CPAMD8: variants seen among roughly 807,000 people sequenced by gnomAD.
CPAMD8 encodes C3 and PZP-like alpha-2-macroglobulin domain-containing protein 8.
Under a neutral mutation model 224.7 loss-of-function variants are expected in CPAMD8, and 146 were observed. The observed-to-expected ratio is 0.65, with a 90% CI of 0.57 to 0.75. CPAMD8 has a LOEUF of 0.75. Ranked by LOEUF, CPAMD8 falls within the 30% of genes least tolerant of loss-of-function variation. The probability of loss-of-function intolerance (pLI) is 0.00; values close to 1 mark genes in which losing one functional copy is unlikely to be tolerated. For missense variants in CPAMD8, 2,301 were observed against 2,537.5 expected (o/e 0.91, Z 2.00); for synonymous variants, 966 against 1,044.6 (o/e 0.92, Z 1.45).
chr19:16,987,502 C>A (rs1015430350), intron 13 of CPAMD8, among the ~76,000 whole-genome samples: 29 of 151,758 alleles, frequency 1.9e-4, no homozygotes, highest in Admixed American at 7.9e-4. Context: ...TTTTTACCTG[C>A]GCCTGCCAGC....
intron 27 of CPAMD8, among the ~76,000 whole-genome samples, chr19:16,920,088 A>G (rs1267742565): frequency 6.6e-6 from 1 of 152,216 alleles, no homozygotes; most frequent in Non-Finnish European, 1.5e-5. Context: ...CTTGTCCTAC[A>G]GGGTCCCCAG....
chr19:16,906,362 C>CT (rs2052489079), intron 30 of CPAMD8, among the ~76,000 whole-genome samples: 3 of 48,414 alleles, frequency 6.2e-5, no homozygotes, highest in African/African-American at 2.2e-4. Context: ...TTCTTTCTTT[C>CT]TTTCTTTCTT....
intron 14 of CPAMD8, among the ~76,000 whole-genome samples, chr19:16,978,184 A>G (rs576758894): frequency 6.7e-4 from 102 of 152,274 alleles, no homozygotes; most frequent in African/African-American, 2.4e-3. Context: ...TGGTAGGGGA[A>G]AGCGGGGACA....
chr19:17,019,971 C>CT (rs569150151), intron 3 of CPAMD8, among the ~76,000 whole-genome samples: 2,829 of 97,852 alleles, frequency 0.029, 163 homozygotes, highest in African/African-American at 0.085. Context: ...TTTTTCTTTT[C>CT]TTTTTTTTTT....
chr19:16,902,701 C>T lies in CPAMD8; in HGVS notation c.4633G>A (p.Ala1545Thr). The T allele has an allele frequency of 6.2e-7, 1 of 1,607,446 alleles. No individual in the cohort carries two copies. The highest frequency in any genetic ancestry group is 2.2e-5 in the East Asian group (1 of 44,688). The change falls in exon 35 of 42, where the codon GCG (alanine) becomes ACG (threonine). Residue 1545 changes from alanine (A) to threonine (T), a missense_variant. This residue lies in a region of CPAMD8 where 1,709 missense variants were observed against 1,753.2 expected (regional missense o/e 0.97). Coordinates refer to ENST00000443236, the MANE Select transcript of CPAMD8 (RefSeq NM_015692.5). ...DWPPADDDDP[A>T]ADQHHQEYKV... ...TATTCCTGGTGATGCTGATCGGCCGCTGGGTCATCATCGTCAGCTGGGGGC... is the reference window on the plus strand; with the variant it reads ...TATTCCTGGTGATGCTGATCGGCCGTTGGGTCATCATCGTCAGCTGGGGGC...
At chr19:16,922,539 G>T (rs2053216364) in intron 26 of CPAMD8, among the ~76,000 whole-genome samples, 1 of 149,576 alleles carries the variant, frequency 6.7e-6, no homozygotes, top group South Asian at 2.1e-4. Flanking sequence ...CACCACATCT[G>T]GGGTTCTTGA....
intron 36 of CPAMD8, among the ~76,000 whole-genome samples, chr19:16,900,471 G>C (rs146556424): frequency 0.014 from 2,086 of 152,240 alleles, 20 homozygotes; most frequent in Middle Eastern, 0.031. Flanking sequence ...GGTGGTGCAT[G>C]CCTGTAATCC....
In CPAMD8 at chr19:17,022,123, C is replaced by G. The variant is rs199816113; in HGVS notation, c.151G>C (p.Val51Leu). Reference protein sequence around the residue: ...FRAGVEEVISVTIFNSPREVT... With the variant: ...FRAGVEEVISLTIFNSPREVT... ...TCCCTTGGAGAGTTAAAGATGGTCA[C>G]GCTGATGACTTCCTCCACGCCCGCG... Residue 51 changes from valine (V) to leucine (L), a missense_variant, in exon 2 of 42, where the codon GTG becomes CTG. By Grantham distance (32) the Val-to-Leu change is conservative (BLOSUM62 1). Around this residue, in one of 4 missense-constraint regions of CPAMD8, gnomAD observed 283 missense variants for 340.6 expected, o/e 0.83. Coordinates refer to ENST00000443236, the MANE Select transcript of CPAMD8 (RefSeq NM_015692.5). 1.2e-6 allele frequency: 2 copies of G among 1,607,544 alleles called. No homozygotes were observed. Among genetic ancestry groups the G allele is most frequent in the Non-Finnish European group, 1.7e-6 (2 of 1,176,858 alleles).
intron 27 of CPAMD8, among the ~76,000 whole-genome samples, chr19:16,917,406 T>C (rs1166574062): frequency 1.3e-5 from 2 of 152,160 alleles, no homozygotes; most frequent in African/African-American, 2.4e-5. Flanking sequence ...GTATGGGAAC[T>C]CTGTTCTATT....
Position 16,897,968 on chromosome 19 carries a change from C to A in CPAMD8, c.4875G>T (p.Val1625=). 2 of 1,611,080 alleles carry A rather than the reference C, an allele frequency of 1.2e-6. No individual in the cohort carries two copies. Among genetic ancestry groups the A allele is most frequent in the Non-Finnish European group, 1.7e-6 (2 of 1,179,354 alleles). ...CGCACTCCCGGAGAGCACGGAACCG[C>A]ACGCACGTCAGGCACCGGCTGGGGA... The part of the protein sequence containing the change: ...DEIPSRCLTC[V]RFRALRECVV... The change falls in exon 38 of 42, where the codon GTG becomes GTT. Residue 1625 remains valine (V), a synonymous_variant. Transcript: ENST00000443236.
At chr19:16,945,775 GCA>G in intron 21 of CPAMD8, 96 bp from the exon 22 acceptor site, 7 of 1,111,336 alleles carry the variant, frequency 6.3e-6, no homozygotes, top group Non-Finnish European at 9.5e-6. Flanking sequence ...GTGCATGCAT[GCA>G]TGTGTGTGTG....
In CPAMD8 at chr19:16,902,870, G is replaced by A. The variant is rs545679209; in HGVS notation, c.4471-7C>T. 31 of 1,514,062 alleles carry A rather than the reference G, an allele frequency of 2.0e-5. No homozygotes were observed. The South Asian group carries it at 4.0e-4, about 19-fold the overall frequency. 93.8% of individuals were successfully genotyped at this position (1,514,062 alleles called of 1,614,324 possible). ...CATTGTAGGTGACATCAATCTGGGG[G>A]GTGTTGGAGGATGGAGGCTTAGGGA... On this transcript the variant is annotated splice_polypyrimidine_tract_variant and splice_region_variant and intron_variant, in intron 34 of 41. Transcript: ENST00000443236.
At chr19:16,985,560 G>A (rs983061705) in intron 13 of CPAMD8, among the ~76,000 whole-genome samples, 1 of 150,492 alleles carries the variant, frequency 6.6e-6, no homozygotes, top group Non-Finnish European at 1.5e-5. Context: ...GTGGAGAAAG[G>A]AAGGAAGGGA....
chr19:16,946,935 A>C, intron 21 of CPAMD8, 139 bp downstream of exon 21: 2 of 813,756 alleles, frequency 2.5e-6, no homozygotes, highest in South Asian at 2.2e-5. Flanking sequence ...TGCTTGCCCC[A>C]GTTGCTGTCC....
chr19:16,902,767 G>C lies in CPAMD8; in HGVS notation c.4567C>G (p.Pro1523Ala), dbSNP rs766280601. 15 of 1,592,668 alleles carry C rather than the reference G, an allele frequency of 9.4e-6. No homozygotes were observed. The East Asian group carries it at 1.1e-4, about 12-fold the overall frequency. The stretch of plus-strand genomic sequence containing the variant: ...CCCTCAGCTGCGGAGGCAGGCATGG[G>C]GGGCGGGCGTCCCTGGGCCTCAGGC... ...QEPEAQGRPPPMPASAAEGSR... is the reference protein window; with the variant it reads ...QEPEAQGRPPAMPASAAEGSR... The change falls in exon 35 of 42, where the codon CCC becomes GCC. Residue 1523 changes from proline (P) to alanine (A), a missense_variant. Pro to Ala is a conservative substitution (Grantham distance 27). Around this residue, in one of 4 missense-constraint regions of CPAMD8, gnomAD observed 1,709 missense variants for 1,753.2 expected, o/e 0.97. Transcript: ENST00000443236.
rs1383868033 is a variant in CPAMD8, at chr19:16,903,810, G to A, written c.4299C>T (p.Ser1433=). 5 of 1,614,164 alleles carry A rather than the reference G, an allele frequency of 3.1e-6. No individual in the cohort carries two copies. Among genetic ancestry groups the A allele is most frequent in the Non-Finnish European group, 4.2e-6 (5 of 1,180,002 alleles). ...CAGTGAGGTTGATGCCTCCAGCATAGGACAAGATGGCATATTCAGCCAAGG... is the reference window on the plus strand; with the variant it reads ...CAGTGAGGTTGATGCCTCCAGCATAAGACAAGATGGCATATTCAGCCAAGG... The part of the protein sequence containing the change: ...LQALAEYAIL[S]YAGGINLTVS... Residue 1433 remains serine, a synonymous_variant, in exon 33 of 42, where the codon TCC becomes TCT. Coordinates refer to ENST00000443236, the MANE Select transcript of CPAMD8 (RefSeq NM_015692.5).
At chr19:16,966,037 A>G (rs2122568690) in intron 18 of CPAMD8, among the ~76,000 whole-genome samples, 1 of 152,334 alleles carries the variant, frequency 6.6e-6, no homozygotes, top group East Asian at 1.9e-4. Context: ...TTGCCAAGAC[A>G]ATCCTAAGCA....
chr19:16,940,309 T>C (rs1325000132), intron 22 of CPAMD8, among the ~76,000 whole-genome samples: 1 of 152,188 alleles, frequency 6.6e-6, no homozygotes, highest in African/African-American at 2.4e-5. Flanking sequence ...TACAGATGTA[T>C]GTGTGGGAGT....
At chr19:16,969,804 G>A (rs2054983698) in intron 18 of CPAMD8, among the ~76,000 whole-genome samples, 1 of 150,546 alleles carries the variant, frequency 6.6e-6, no homozygotes, top group African/African-American at 2.5e-5. Context: ...AATCTGGGAG[G>A]TGGAGGTTGC....
Sources: allele counts gnomAD v4.1 joint callset (sites outside exome capture counted in the v4.1 genomes callset), GRCh38; gene constraint gnomAD v4.1.1; regional missense constraint gnomAD v4.1.1; transcripts MANE v1.5; gene names NCBI Gene and HGNC (gene_info 2026-07-23, HGNC 2026-07-21).